HPSE2: variants seen among roughly 807,000 people sequenced by gnomAD.
HPSE2 encodes the protein heparanase 2 (inactive).
HPSE2 carries 38 observed loss-of-function variants against 60.5 expected under a neutral mutation model. The ratio of observed to expected loss-of-function variants is 0.63; its 90% confidence interval spans 0.48 to 0.82. HPSE2 has a LOEUF of 0.82. Ranked by LOEUF, HPSE2 falls within the 40% of genes least tolerant of loss-of-function variation. The pLI, the probability that HPSE2 is intolerant of heterozygous loss-of-function variation, is 0.00. For synonymous variants in HPSE2, 295 were observed against 293.2 expected (o/e 1.01, Z -0.06); for missense variants, 713 against 740.4 (o/e 0.96, Z 0.43).
At chr10:99,021,297 T>C (rs1241512766) in intron 3 of HPSE2, among the ~76,000 whole-genome samples, 2 of 152,206 alleles carry the variant, frequency 1.3e-5, no homozygotes, top group Non-Finnish European at 2.9e-5. Flanking sequence ...TGTGAATGCA[T>C]TATTAACCCT....
At chr10:99,140,777 G>A (rs11189992) in intron 3 of HPSE2, among the ~76,000 whole-genome samples, 24,440 of 152,142 alleles carry the variant, frequency 0.16, 2,386 homozygotes, top group Admixed American at 0.24. Flanking sequence ...GGTGGCTCAC[G>A]CCTTTAATCC....
At chr10:98,640,760 A>G (rs372987193) in intron 7 of HPSE2, among the ~76,000 whole-genome samples, 27 of 152,340 alleles carry the variant, frequency 1.8e-4, no homozygotes, top group African/African-American at 6.5e-4. Flanking sequence ...AGATAATAAT[A>G]TATTTTAGAG....
At chr10:98,606,043 A>C (rs1416683554) in intron 9 of HPSE2, among the ~76,000 whole-genome samples, 1 of 152,176 alleles carries the variant, frequency 6.6e-6, no homozygotes, top group African/African-American at 2.4e-5. Context: ...TTTTGTAATT[A>C]ATTGTTAGTT....
intron 3 of HPSE2, among the ~76,000 whole-genome samples, chr10:99,045,125 C>G (rs960227456): frequency 6.6e-6 from 1 of 152,126 alleles, no homozygotes; most frequent in African/African-American, 2.4e-5. Context: ...ATAAACCAAA[C>G]TTCAATAAAA....
Position 98,614,332 on chromosome 10 carries a change from G to A in HPSE2, c.1320+572C>T, listed in dbSNP as rs192209058. ...TTTTGAGACGGAGTCTCGCTCAGTC[G>A]CCCAGGCTGGAGTGCAGTGGCACCA... On this transcript the variant is annotated intron_variant, in intron 9 of 11. Coordinates refer to ENST00000370552, the MANE Select transcript of HPSE2 (RefSeq NM_021828.5). 4.2e-3 allele frequency among the ~76,000 whole-genome samples: 619 copies of A among 147,454 alleles called. 3 individuals are homozygous for A. The highest frequency in any genetic ancestry group is 4.2e-3 in the Non-Finnish European group (281 of 67,354).
the HPSE2 span, among the ~76,000 whole-genome samples, chr10:99,246,618 G>A: frequency 9.2e-5 from 14 of 152,018 alleles, no homozygotes; most frequent in Admixed American, 8.5e-4. Flanking sequence ...GTGGTGGAGC[G>A]TACCTTTAGT....
intron 6 of HPSE2, among the ~76,000 whole-genome samples, chr10:98,689,943 C>T (rs1434272230): frequency 6.6e-6 from 1 of 152,142 alleles, no homozygotes; most frequent in Non-Finnish European, 1.5e-5. Context: ...ATTCAAATTC[C>T]AACCTCTGTC....
At chr10:99,140,191 G>C (rs1023767390) in intron 3 of HPSE2, among the ~76,000 whole-genome samples, 1 of 152,152 alleles carries the variant, frequency 6.6e-6, no homozygotes, top group African/African-American at 2.4e-5. Flanking sequence ...GCCACAACTG[G>C]AAGTGGAAGT....
At chr10:99,179,558 T>C (rs903513117) in intron 2 of HPSE2, among the ~76,000 whole-genome samples, 3 of 152,104 alleles carry the variant, frequency 2.0e-5, no homozygotes, top group African/African-American at 7.2e-5. Context: ...TTACAAGGGA[T>C]GTGAAGGACC....
intron 2 of HPSE2, among the ~76,000 whole-genome samples, chr10:99,175,205 A>C (rs930192217): frequency 2.0e-5 from 3 of 152,182 alleles, no homozygotes; most frequent in African/African-American, 7.2e-5. Flanking sequence ...GCAGACACCA[A>C]GCTAGCTGCA....
At chr10:98,948,878 T>TA (rs1254572755) in intron 3 of HPSE2, among the ~76,000 whole-genome samples, 1 of 152,126 alleles carries the variant, frequency 6.6e-6, no homozygotes, top group Admixed American at 6.6e-5. Context: ...TAATAACCTT[T>TA]TCTCTCTAGC....
At chr10:99,077,112 T>A (rs573234989) in intron 3 of HPSE2, among the ~76,000 whole-genome samples, 19 of 152,196 alleles carry the variant, frequency 1.2e-4, no homozygotes, top group Non-Finnish European at 2.6e-4. Flanking sequence ...TGACAAATTG[T>A]TCTTCTCTTA....
chr10:99,208,117 C>T (rs753852199), intron 2 of HPSE2, among the ~76,000 whole-genome samples: 62 of 151,348 alleles, frequency 4.1e-4, no homozygotes, highest in Non-Finnish European at 6.2e-4. Flanking sequence ...TTTCTTTCTT[C>T]CTCTTTCTCT....
intron 3 of HPSE2, among the ~76,000 whole-genome samples, chr10:98,816,614 C>A (rs1282063854): frequency 6.6e-6 from 1 of 152,152 alleles, no homozygotes; most frequent in Non-Finnish European, 1.5e-5. Context: ...TTAGTATCTG[C>A]CAGCCTTCAA....
intron 6 of HPSE2, among the ~76,000 whole-genome samples, chr10:98,655,577 T>C (rs1032353294): frequency 6.6e-6 from 1 of 152,210 alleles, no homozygotes. Context: ...TGTCAGTTTG[T>C]TTAGCTTTTG....
chr10:99,217,118 C>T (rs373799912), intron 2 of HPSE2, among the ~76,000 whole-genome samples: 16 of 151,936 alleles, frequency 1.1e-4, no homozygotes, highest in African/African-American at 3.9e-4. Flanking sequence ...GCATGAGCAG[C>T]CCCTCCCAGC....
intron 6 of HPSE2, among the ~76,000 whole-genome samples, chr10:98,663,432 T>C (rs569944427): frequency 1.3e-5 from 2 of 152,196 alleles, no homozygotes; most frequent in African/African-American, 2.4e-5. Context: ...TGACTAGAAG[T>C]GGCTAGTATG....
At chr10:99,269,925 AC>A in the HPSE2 span, among the ~76,000 whole-genome samples, 1 of 152,262 alleles carries the variant, frequency 6.6e-6, no homozygotes, top group African/African-American at 2.4e-5. Context: ...AATTCTTTGA[AC>A]TGAACAATAA....
chr10:98,560,960 T>C (rs1391076991), intron 9 of HPSE2, among the ~76,000 whole-genome samples: 1 of 152,220 alleles, frequency 6.6e-6, no homozygotes, highest in African/African-American at 2.4e-5. Context: ...GACTGGTTTA[T>C]GTATTTATGA....
Sources: gnomAD v4.1 joint callset for allele counts (sites outside exome capture counted in the v4.1 genomes callset) on GRCh38, gnomAD v4.1.1 for gene constraint, MANE v1.5 for transcripts, NCBI Gene and HGNC (gene_info 2026-07-23, HGNC 2026-07-21) for gene names.